Variants in DLG1 observed in about 807,000 individuals in gnomAD.
DLG1 encodes disks large homolog 1.
In DLG1, 42 loss-of-function variants were observed where a neutral mutation model predicts 123.4. The observed-to-expected ratio is 0.34, with a 90% CI of 0.27 to 0.44. DLG1 has a LOEUF of 0.44. Among genes scored for constraint, DLG1 ranks in the 20% least tolerant of loss-of-function variants. DLG1 has a pLI of 1.00. For synonymous variants in DLG1, 317 were observed against 356.2 expected (o/e 0.89, Z 1.24); for missense variants, 942 against 1,082.6 (o/e 0.87, Z 1.82).
chr3:197,182,816 T>G (rs1713168345), intron 5 of DLG1, among the ~76,000 whole-genome samples: 1 of 152,164 alleles, frequency 6.6e-6, no homozygotes, highest in African/African-American at 2.4e-5. Flanking sequence ...AATAGGTATT[T>G]CAAACAATTA....
chr3:197,295,134 G>A (rs983917233), intron 3 of DLG1, among the ~76,000 whole-genome samples: 1 of 152,158 alleles, frequency 6.6e-6, no homozygotes, highest in African/African-American at 2.4e-5. Flanking sequence ...GGCAAAATGT[G>A]AATTTCTGGA....
chr3:197,189,530 C>A (rs1718080505), intron 5 of DLG1, among the ~76,000 whole-genome samples: 1 of 152,086 alleles, frequency 6.6e-6, no homozygotes, highest in African/African-American at 2.4e-5. Flanking sequence ...AGACAGCCAG[C>A]AAACCAAAGT....
chr3:197,289,947 T>C (rs950226123), intron 3 of DLG1, among the ~76,000 whole-genome samples: 4 of 152,158 alleles, frequency 2.6e-5, no homozygotes, highest in Non-Finnish European at 4.4e-5. Flanking sequence ...AGGTGTGTAC[T>C]AAAAGGAACC....
At chr3:197,232,877 A>G (rs553615030) in intron 4 of DLG1, among the ~76,000 whole-genome samples, 2 of 152,322 alleles carry the variant, frequency 1.3e-5, no homozygotes, top group South Asian at 4.1e-4. Flanking sequence ...CAAAAAACCT[A>G]CATTTAACAC....
intron 6 of DLG1, among the ~76,000 whole-genome samples, chr3:197,144,560 T>C (rs1341300436): frequency 6.6e-6 from 1 of 152,202 alleles, no homozygotes; most frequent in Non-Finnish European, 1.5e-5. Context: ...TGTTATGCAA[T>C]GATAGATAAC....
At chr3:197,261,771 T>C (rs182150985) in intron 4 of DLG1, among the ~76,000 whole-genome samples, 81 of 150,288 alleles carry the variant, frequency 5.4e-4, no homozygotes, top group African/African-American at 1.9e-3. Context: ...CTATTATTAG[T>C]ATGTATCAAA....
chr3:197,292,581 T>C (rs1490037110), intron 3 of DLG1, among the ~76,000 whole-genome samples: 2 of 152,216 alleles, frequency 1.3e-5, no homozygotes, highest in Non-Finnish European at 2.9e-5. Context: ...TTAAAGATGG[T>C]GAAGATGGCA....
chr3:197,082,761 T>A (rs894308269), intron 16 of DLG1, among the ~76,000 whole-genome samples: 4 of 152,226 alleles, frequency 2.6e-5, no homozygotes, highest in African/African-American at 9.6e-5. Context: ...AGTAAGATTA[T>A]ATTCTGCAAT....
At chr3:197,288,362 CAA>C (rs1290725400) in intron 3 of DLG1, among the ~76,000 whole-genome samples, 2 of 45,568 alleles carry the variant, frequency 4.4e-5, no homozygotes, top group Admixed American at 2.9e-4. Context: ...GACTCCGTCT[CAA>C]AAAAAAAAAA....
chr3:197,244,929 T>C (rs950483619), intron 4 of DLG1, among the ~76,000 whole-genome samples: 5 of 152,152 alleles, frequency 3.3e-5, no homozygotes, highest in African/African-American at 9.7e-5. Context: ...AGAAACTGAC[T>C]TTTAGTTTCA....
chr3:197,128,678 G>T (rs1472937932), intron 11 of DLG1, among the ~76,000 whole-genome samples: 1 of 152,172 alleles, frequency 6.6e-6, no homozygotes, highest in Non-Finnish European at 1.5e-5. Context: ...TTCTTAAATA[G>T]TAAGACTTGA....
chr3:197,081,329 C>G (rs957488698), intron 16 of DLG1, among the ~76,000 whole-genome samples: 2 of 152,130 alleles, frequency 1.3e-5, no homozygotes, highest in African/African-American at 4.8e-5. Flanking sequence ...ATGAAGTTAT[C>G]AACACACAGT....
At chr3:197,082,153 C>G (rs1177941005) in intron 16 of DLG1, among the ~76,000 whole-genome samples, 1 of 152,122 alleles carries the variant, frequency 6.6e-6, no homozygotes, top group Admixed American at 6.6e-5. Flanking sequence ...GGGTGGATCA[C>G]AAGGTCAGGA....
At chr3:197,185,742 A>T (rs1407614294) in intron 5 of DLG1, among the ~76,000 whole-genome samples, 1 of 152,164 alleles carries the variant, frequency 6.6e-6, no homozygotes, top group African/African-American at 2.4e-5. Context: ...GGGAGGAGAA[A>T]ACTGATATGG....
intron 14 of DLG1, among the ~76,000 whole-genome samples, chr3:197,093,382 C>T (rs1758838413): frequency 6.6e-6 from 1 of 152,310 alleles, no homozygotes; most frequent in East Asian, 1.9e-4. Context: ...TGGTCTCAAT[C>T]TCTTGACCTC....
At chr3:197,049,247 G>T (rs1725545995) in intron 24 of DLG1, among the ~76,000 whole-genome samples, 1 of 152,084 alleles carries the variant, frequency 6.6e-6, no homozygotes. Flanking sequence ...AACCCAGGAG[G>T]CGATGGTTGC....
At chr3:197,191,932 T>C (rs566885732) in intron 5 of DLG1, among the ~76,000 whole-genome samples, 157 of 152,184 alleles carry the variant, frequency 1.0e-3, no homozygotes, top group African/African-American at 3.6e-3. Context: ...TCTCAGCACT[T>C]TGGGAGGTCA....
At chr3:197,137,795 C>T (rs1283529475) in intron 9 of DLG1, among the ~76,000 whole-genome samples, 3 of 151,564 alleles carry the variant, frequency 2.0e-5, no homozygotes, top group Non-Finnish European at 4.4e-5. Context: ...TGCAGGGAGG[C>T]CTCCGTCTCT....
chr3:197,066,847 T>G (rs944325471), intron 19 of DLG1, 93 bp from the exon 20 acceptor site: 2 of 787,216 alleles, frequency 2.5e-6, no homozygotes, highest in Non-Finnish European at 4.0e-6. Context: ...ACTAGAACTT[T>G]CCTGAGAAAA....
Sources: gnomAD v4.1 joint callset for allele counts (sites outside exome capture counted in the v4.1 genomes callset) on GRCh38, gnomAD v4.1.1 for gene constraint, MANE v1.5 for transcripts, NCBI Gene and HGNC (gene_info 2026-07-23, HGNC 2026-07-21) for gene names.